The following MAP9 variants were observed in gnomAD, a reference collection of about 807,000 sequenced individuals.
MAP9 encodes microtubule associated protein 9.
In MAP9, 80 loss-of-function variants were observed where a neutral mutation model predicts 75.2. That is an observed-to-expected ratio of 1.06 (90% CI 0.89 to 1.28). The LOEUF is 1.28. Ranked by LOEUF, MAP9 falls within the 50% of genes most tolerant of loss-of-function variation. The pLI, the probability that MAP9 is intolerant of heterozygous loss-of-function variation, is 0.00. For synonymous variants in MAP9, 235 were observed against 237.3 expected (o/e 0.99, Z 0.09); for missense variants, 753 against 719.9 (o/e 1.05, Z -0.53).
chr4:155,364,727 C>T (rs1229074391), intron 5 of MAP9, among the ~76,000 whole-genome samples: 1 of 150,796 alleles, frequency 6.6e-6, no homozygotes, highest in Non-Finnish European at 1.5e-5. Flanking sequence ...ATGACAATAG[C>T]ACAATGGATG....
intron 6 of MAP9, 39 bp downstream of exon 6, chr4:155,362,009 A>G (rs766387587): frequency 1.7e-6 from 2 of 1,160,322 alleles, no homozygotes; most frequent in South Asian, 2.6e-5. Flanking sequence ...TAAGTAGTAC[A>G]GAGTTCACAT....
rs1731265579 is a variant in MAP9 at position 155,345,861 on chromosome 4, A to G, written c.*1922T>C. On this transcript the variant is annotated 3_prime_UTR_variant, in exon 14 of 14. Coordinates refer to ENST00000311277, the MANE Select transcript of MAP9 (RefSeq NM_001039580.2). ...CCTTTTACTTCCCTGGAATTTGTAA[A>G]TATCTTTTCAGCTCTAAACAGCTAA... 1 of 152,162 alleles carries G rather than the reference A, an allele frequency of 6.6e-6. No homozygotes were observed. The highest frequency in any genetic ancestry group is 2.1e-4 in the South Asian group (1 of 4,832). 9.4% of individuals were successfully genotyped at this position (152,162 alleles called of 1,614,324 possible).
rs367917926 is a variant in MAP9, at chr4:155,374,950, G to A, written c.147C>T (p.Asp49=). ...ACTGTCACATACCAATCTCATCACT[G>A]TCAAAGTCATCTGAGTATTCAGAAC... is the stretch of plus-strand genomic sequence containing the variant. The part of the protein sequence containing the change: ...QRSSEYSDDF[D]SDEIVSLGDF... Residue 49 remains aspartate (D), a synonymous_variant, in exon 3 of 14, where the codon GAC becomes GAT. Transcript: ENST00000311277. 1.3e-5 allele frequency: 20 copies of A among 1,586,924 alleles called. No homozygotes were observed. Among genetic ancestry groups the A allele is most frequent in the African/African-American group, 2.7e-5 (2 of 74,622 alleles).
At chr4:155,352,407 A>G (rs964383559) in intron 13 of MAP9, 189 bp downstream of exon 13, 12 of 509,026 alleles carry the variant, frequency 2.4e-5, no homozygotes, top group African/African-American at 2.2e-4. Context: ...AGGGAATAGT[A>G]GAAACATTAA....
chr4:155,362,355 C>A (rs894128179), intron 5 of MAP9: 6 of 408,486 alleles, frequency 1.5e-5, no homozygotes, highest in Non-Finnish European at 2.6e-5. Context: ...TAAAAGGGGT[C>A]ACTGAAAGAG....
Position 155,357,520 on chromosome 4 carries a change from C to G in MAP9, c.1051-1G>C, listed in dbSNP as rs770778357. 6.7e-7 allele frequency: 1 copy of G among 1,482,842 alleles called. No homozygotes were observed. The highest frequency in any genetic ancestry group is 2.3e-5 in the East Asian group (1 of 44,054). The allele number at this position is 1,482,842 out of a possible 1,614,324, so 91.9% of individuals were successfully genotyped here. A position where few individuals can be genotyped will look rare whatever the true frequency, so the allele number is the denominator to read the frequency against. On this transcript the variant is annotated splice_acceptor_variant, in intron 7 of 13. Coordinates refer to ENST00000311277, the MANE Select transcript of MAP9 (RefSeq NM_001039580.2). LOFTEE classifies it high-confidence loss of function. ...TTATATTTCTATCTTCAATTGTTTT[C>G]TATTAAACAGAAAATGCCAAAGATG...
Position 155,357,621 on chromosome 4 carries a change from TATGTGTCAA to T in MAP9, c.1051-111_1051-103del, listed in dbSNP as rs1731855209. 4.3e-6 allele frequency: 3 copies of T among 701,162 alleles called. No homozygotes were observed. The South Asian group carries it at 4.7e-5, about 11-fold the overall frequency. The allele number at this position is 701,162 out of a possible 1,614,324, so 43.4% of individuals were successfully genotyped here. A position where few individuals can be genotyped will look rare whatever the true frequency, so the allele number is the denominator to read the frequency against. On this transcript the variant is annotated intron_variant, in intron 7 of 13. Coordinates refer to ENST00000311277, the MANE Select transcript of MAP9 (RefSeq NM_001039580.2). ...AAATCACTATTCTTTAAGCATCTAC[TATGTGTCAA>T]ACACAGTAGAAATTGGGAGCAAATC...
At chr4:155,366,340 T>C (rs767870567) in intron 5 of MAP9, among the ~76,000 whole-genome samples, 65 of 143,510 alleles carry the variant, frequency 4.5e-4, no homozygotes, top group African/African-American at 1.5e-3. Context: ...GCCTGGGCGA[T>C]AGAACGAGAC....
chr4:155,352,647 A>G lies in MAP9; in HGVS notation c.1770T>C (p.Ala590=). ...CTTGTTTATCTTTATCTTTTTTCTC[A>G]GCTCTTTTCAGTTCTTCCTTTCTTT... The part of the protein sequence containing the change: ...NEKRKEELKR[A]EKKDKDKQAI... The change falls in exon 13 of 14, where the codon GCT becomes GCC. Residue 590 remains alanine (A), a synonymous_variant. Transcript: ENST00000311277. 1 of 1,544,884 alleles carries G rather than the reference A, an allele frequency of 6.5e-7. No individual in the cohort carries two copies. Among genetic ancestry groups the G allele is most frequent in the South Asian group, 1.2e-5 (1 of 86,136 alleles).
Position 155,352,637 on chromosome 4 carries a change from CT to C in MAP9, c.1779del (p.Asp594IlefsTer82). On this transcript the variant is annotated frameshift_variant, in exon 13 of 14. Coordinates refer to ENST00000311277, the MANE Select transcript of MAP9 (RefSeq NM_001039580.2). LOFTEE classifies it high-confidence loss of function. ...RKEELKRAEK[K>X]DKDKQAINEY... The stretch of plus-strand genomic sequence containing the variant: ...TCATTAATAGCTTGTTTATCTTTAT[CT>C]TTTTTCTCAGCTCTTTTCAGTTCTT... 6.5e-7 allele frequency: 1 copy of C among 1,544,682 alleles called. No individual in the cohort carries two copies. Among genetic ancestry groups the C allele is most frequent in the Non-Finnish European group, 8.8e-7 (1 of 1,131,492 alleles).
intron 5 of MAP9, chr4:155,362,888 T>C (rs547096489): frequency 6.6e-6 from 1 of 152,318 alleles, no homozygotes; most frequent in South Asian, 2.1e-4. Context: ...ATGGAAGAAG[T>C]GCTGAGACAC....
rs989194895 is a variant in MAP9 at position 155,342,844 on chromosome 4, T to C, written c.*4939A>G. Reference sequence around the variant, plus strand: ...GCTGAGTTTTCTGATATTGTAATACTAGATACAAGATGTCTGAATAACTCC... The same window carrying C: ...GCTGAGTTTTCTGATATTGTAATACCAGATACAAGATGTCTGAATAACTCC... On this transcript the variant is annotated 3_prime_UTR_variant, in exon 14 of 14. Coordinates refer to ENST00000311277, the MANE Select transcript of MAP9 (RefSeq NM_001039580.2). 5.3e-5 allele frequency: 8 copies of C among 151,980 alleles called. No individual in the cohort carries two copies. Among genetic ancestry groups the C allele is most frequent in the African/African-American group, 1.9e-4 (8 of 41,402 alleles). 9.4% of individuals were successfully genotyped at this position (151,980 alleles called of 1,614,324 possible).
At position 155,355,825 on chromosome 4, in the gene MAP9, GTTGTCGATGGAGTTC is replaced by G. The variant is rs1578839439; in HGVS notation, c.1166_1180del (p.Arg389_Thr393del). 4.3e-6 allele frequency: 7 copies of G among 1,613,636 alleles called. No homozygotes were observed. The Admixed American group carries it at 5.0e-5, about 12-fold the overall frequency. On this transcript the variant is annotated inframe_deletion, in exon 9 of 14. Transcript: ENST00000311277. The stretch of plus-strand genomic sequence containing the variant: ...AGTCCCTAAATAGTGAGAAGAGGTA[GTTGTCGATGGAGTTC>G]TCCTTTTAGAACTAGATTTCTTCAA...
In MAP9 at chr4:155,345,201, C is replaced by T. The variant is rs1222300271; in HGVS notation, c.*2582G>A. On this transcript the variant is annotated 3_prime_UTR_variant, in exon 14 of 14. Transcript: ENST00000311277. Reference sequence around the variant, plus strand: ...AGTACTGTATTTTCACCCACCTCCCCGAACTCAGCTTTATTTGTGCTAGAA... The same window carrying T: ...AGTACTGTATTTTCACCCACCTCCCTGAACTCAGCTTTATTTGTGCTAGAA... 1.3e-5 allele frequency: 2 copies of T among 151,934 alleles called. No homozygotes were observed. The highest frequency in any genetic ancestry group is 1.5e-5 in the Non-Finnish European group (1 of 67,902). The allele number at this position is 151,934 out of a possible 1,614,324, so 9.4% of individuals were successfully genotyped here.
At chr4:155,362,902 A>C (rs1732153955) in intron 5 of MAP9, 1 of 152,194 alleles carries the variant, frequency 6.6e-6, no homozygotes, top group Non-Finnish European at 1.5e-5. Context: ...GAGACACTGG[A>C]GTCTACCCTG....
intron 4 of MAP9, among the ~76,000 whole-genome samples, chr4:155,372,766 G>A (rs1372698085): frequency 6.6e-6 from 1 of 152,076 alleles, no homozygotes. Flanking sequence ...AGTGTGAGAG[G>A]GATTAGACAG....
In MAP9 at chr4:155,360,431, G is replaced by T; in HGVS notation, c.803-16C>A. The T allele has an allele frequency of 1.9e-6, 3 of 1,598,522 alleles. No homozygotes were observed. Among genetic ancestry groups the T allele is most frequent in the Non-Finnish European group, 2.6e-6 (3 of 1,172,042 alleles). The stretch of plus-strand genomic sequence containing the variant: ...TCATTTGGATCTATTTTGAGACAGA[G>T]TAATAGCATTAAAACCCCCTTCTGA... On this transcript the variant is annotated splice_polypyrimidine_tract_variant and intron_variant, in intron 6 of 13. Transcript: ENST00000311277.
In MAP9 at chr4:155,353,063, A is replaced by G. The variant is rs373664111; in HGVS notation, c.1543-6T>C. On this transcript the variant is annotated splice_region_variant and splice_polypyrimidine_tract_variant and intron_variant, in intron 11 of 13. Coordinates refer to ENST00000311277, the MANE Select transcript of MAP9 (RefSeq NM_001039580.2). The stretch of plus-strand genomic sequence containing the variant: ...TCTTTCCATTTTTCAAAAGCCTGAA[A>G]AAGTTCAGAATAATTTTCTTACTGT... The G allele has an allele frequency of 6.7e-5, 103 of 1,542,442 alleles. No individual in the cohort carries two copies. The highest frequency in any genetic ancestry group is 8.0e-5 in the Non-Finnish European group (92 of 1,144,184).
intron 1 of MAP9, chr4:155,376,298 G>A (rs1187316431): frequency 6.5e-6 from 1 of 153,146 alleles, no homozygotes; most frequent in Non-Finnish European, 1.4e-5. Context: ...TAAAAATTAT[G>A]AGCACCACCA....
Sources: gnomAD v4.1 joint callset for allele counts (sites outside exome capture counted in the v4.1 genomes callset) on GRCh38, gnomAD v4.1.1 for gene constraint, MANE v1.5 for transcripts, NCBI Gene and HGNC (gene_info 2026-07-23, HGNC 2026-07-21) for gene names.